The following DYNC1I1 variants were observed in gnomAD, a reference collection of about 807,000 sequenced individuals.
DYNC1I1 encodes cytoplasmic dynein 1 intermediate chain 1.
In DYNC1I1, 43 loss-of-function variants were observed where a neutral mutation model predicts 86.6. The observed-to-expected ratio is 0.50, with a 90% CI of 0.39 to 0.64. The LOEUF (loss-of-function observed/expected upper bound fraction) is 0.64, where lower values mean the gene tolerates loss of function less well. Among genes scored for constraint, DYNC1I1 ranks in the 30% least tolerant of loss-of-function variants. DYNC1I1 has a pLI of 0.00. For synonymous variants in DYNC1I1, 262 were observed against 283.7 expected (o/e 0.92, Z 0.77); for missense variants, 604 against 788.8 (o/e 0.77, Z 2.81).
intron 6 of DYNC1I1, among the ~76,000 whole-genome samples, chr7:95,956,380 CTTTT>C (rs57664357): frequency 0.065 from 9,135 of 140,056 alleles, 519 homozygotes; most frequent in African/African-American, 0.15. Context: ...CTTTTTTTCT[CTTTT>C]TTTTTTTTTT....
At chr7:95,960,449 T>G (rs1792837091) in intron 6 of DYNC1I1, among the ~76,000 whole-genome samples, 1 of 152,170 alleles carries the variant, frequency 6.6e-6, no homozygotes. Flanking sequence ...GTCCCAATTT[T>G]TATTTCAGAA....
intron 16 of DYNC1I1, among the ~76,000 whole-genome samples, chr7:96,106,394 G>C (rs1791214230): frequency 6.6e-6 from 1 of 152,004 alleles, no homozygotes; most frequent in Non-Finnish European, 1.5e-5. Flanking sequence ...AATTAGCCAG[G>C]TGTGGTGGCC....
rs760942472 is a variant in DYNC1I1, at chr7:95,869,874, T to C, written c.375-9T>C. ...CCCTCTCTAAGCATTTATTCTTTGT[T>C]ACTTACAGAAGAAGACTGCATAAAC... is the stretch of plus-strand genomic sequence containing the variant. On this transcript the variant is annotated splice_polypyrimidine_tract_variant and intron_variant, in intron 5 of 16. Transcript: ENST00000447467. 43 of 1,611,582 alleles carry C rather than the reference T, an allele frequency of 2.7e-5. No homozygotes were observed. Among genetic ancestry groups the C allele is most frequent in the East Asian group, 4.5e-5 (2 of 44,856 alleles).
chr7:96,032,688 G>A lies in DYNC1I1; in HGVS notation c.1138G>A (p.Val380Ile). Reference sequence around the variant, plus strand: ...GCAGCATCCCGTGTACTGTGTAAATGTTGTTGGGACCCAGAATGCTCATAA... The same window carrying A: ...GCAGCATCCCGTGTACTGTGTAAATATTGTTGGGACCCAGAATGCTCATAA... ...AHTHPVYCVN[V>I]VGTQNAHNLI... The change falls in exon 12 of 17, where the codon GTT becomes ATT. Residue 380 changes from valine to isoleucine, a missense_variant. Transcript: ENST00000447467. 1 of 1,613,622 alleles carries A rather than the reference G, an allele frequency of 6.2e-7. No homozygotes were observed. Among genetic ancestry groups the A allele is most frequent in the Non-Finnish European group, 8.5e-7 (1 of 1,179,662 alleles).
chr7:95,946,832 C>T (rs758530867), intron 6 of DYNC1I1, among the ~76,000 whole-genome samples: 18 of 152,042 alleles, frequency 1.2e-4, no homozygotes, highest in Non-Finnish European at 1.9e-4. Flanking sequence ...AAATTGAAGA[C>T]AAGTAGATAC....
In DYNC1I1 at chr7:96,089,595, C is replaced by G. The variant is rs1427646372; in HGVS notation, c.1777-7888C>G. Among the ~76,000 whole-genome samples the G allele has an allele frequency of 2.0e-5, 3 of 152,076 alleles. No homozygotes were observed. The East Asian group carries it at 5.8e-4, about 29-fold the overall frequency. ...TTCCCAGTTTCCCTCCCCTCCTGTG[C>G]TTTTAAAAGTGAGCAGTTGGCCACT... is the stretch of plus-strand genomic sequence containing the variant. On this transcript the variant is annotated intron_variant, in intron 16 of 16. Transcript: ENST00000447467.
intron 6 of DYNC1I1, among the ~76,000 whole-genome samples, chr7:95,910,300 A>C (rs1382782871): frequency 1.3e-5 from 2 of 152,180 alleles, no homozygotes; most frequent in Non-Finnish European, 2.9e-5. Context: ...CACCTGAAAT[A>C]ATACAGCTTC....
chr7:95,981,915 A>G (rs919732153), intron 7 of DYNC1I1, among the ~76,000 whole-genome samples: 1 of 152,144 alleles, frequency 6.6e-6, no homozygotes, highest in Non-Finnish European at 1.5e-5. Context: ...GAGGTAGAAT[A>G]TGGCATCTAT....
chr7:95,904,522 C>G (rs1221792119), intron 6 of DYNC1I1, among the ~76,000 whole-genome samples: 2 of 152,026 alleles, frequency 1.3e-5, no homozygotes, highest in Non-Finnish European at 2.9e-5. Context: ...ATGGCAGATG[C>G]AGGACATCAC....
intron 6 of DYNC1I1, among the ~76,000 whole-genome samples, chr7:95,932,531 T>C (rs907004350): frequency 6.6e-6 from 1 of 152,188 alleles, no homozygotes; most frequent in African/African-American, 2.4e-5. Flanking sequence ...GAAGTGTCCT[T>C]GGGTAGGGTA....
intron 14 of DYNC1I1, among the ~76,000 whole-genome samples, chr7:96,058,313 A>G (rs1789648059): frequency 6.6e-6 from 1 of 152,216 alleles, no homozygotes; most frequent in Non-Finnish European, 1.5e-5. Context: ...GAAACGTGAC[A>G]CGATCTCTGG....
At chr7:95,995,912 T>G (rs770798587) in intron 9 of DYNC1I1, 36 bp from the exon 10 acceptor site, 1 of 1,557,880 alleles carries the variant, frequency 6.4e-7, no homozygotes, top group Non-Finnish European at 8.6e-7. Flanking sequence ...TGTTGTCATC[T>G]TAGCATAATT....
intron 10 of DYNC1I1, among the ~76,000 whole-genome samples, chr7:96,011,414 G>A (rs555821497): frequency 2.2e-4 from 34 of 152,244 alleles, no homozygotes; most frequent in African/African-American, 7.9e-4. Context: ...AGAAATTCAC[G>A]TTCTTCAGTG....
intron 7 of DYNC1I1, among the ~76,000 whole-genome samples, chr7:95,978,161 A>T (rs1324944460): frequency 6.6e-6 from 1 of 152,114 alleles, no homozygotes; most frequent in Non-Finnish European, 1.5e-5. Flanking sequence ...CACAGATATT[A>T]CTCACTCCTT....
At chr7:95,945,797 A>G (rs2116463126) in intron 6 of DYNC1I1, among the ~76,000 whole-genome samples, 1 of 152,314 alleles carries the variant, frequency 6.6e-6, no homozygotes, top group East Asian at 1.9e-4. Context: ...TAAAGAAAAC[A>G]CACTAACACA....
At chr7:95,944,538 G>A (rs1792338655) in intron 6 of DYNC1I1, among the ~76,000 whole-genome samples, 1 of 152,126 alleles carries the variant, frequency 6.6e-6, no homozygotes. Flanking sequence ...ATACCCAAAG[G>A]ACTATAAATC....
intron 6 of DYNC1I1, among the ~76,000 whole-genome samples, chr7:95,873,941 T>C (rs1274203047): frequency 6.6e-6 from 1 of 152,236 alleles, no homozygotes; most frequent in Non-Finnish European, 1.5e-5. Flanking sequence ...ATTTAAACTT[T>C]GCATTTGACT....
intron 10 of DYNC1I1, among the ~76,000 whole-genome samples, chr7:96,018,251 T>A (rs1346720587): frequency 6.6e-6 from 1 of 152,200 alleles, no homozygotes; most frequent in Non-Finnish European, 1.5e-5. Context: ...GCGGGACCCA[T>A]GTCTCAAAGA....
chr7:95,846,260 A>G (rs549090823), intron 5 of DYNC1I1, among the ~76,000 whole-genome samples: 1 of 152,316 alleles, frequency 6.6e-6, no homozygotes, highest in Admixed American at 6.5e-5. Context: ...TTAATAGCAG[A>G]ACCTCTTCCA....
Sources: allele counts gnomAD v4.1 joint callset (sites outside exome capture counted in the v4.1 genomes callset), GRCh38; gene constraint gnomAD v4.1.1; transcripts MANE v1.5; gene names NCBI Gene and HGNC (gene_info 2026-07-23, HGNC 2026-07-21).